The following SGCD variants were observed in gnomAD, a reference collection of about 807,000 sequenced individuals.
The protein encoded by SGCD is sarcoglycan delta.
In SGCD, 18 loss-of-function variants were observed where a neutral mutation model predicts 36.6. That is an observed-to-expected ratio of 0.49 (90% CI 0.34 to 0.73). The LOEUF (loss-of-function observed/expected upper bound fraction) is 0.73, where lower values mean the gene tolerates loss of function less well. Ranked by LOEUF, SGCD falls within the 30% of genes least tolerant of loss-of-function variation. SGCD has a pLI of 0.01. For missense variants in SGCD, 387 were observed against 346.7 expected (o/e 1.12, Z -0.92); for synonymous variants, 133 against 130.6 (o/e 1.02, Z -0.12).
intron 1 of SGCD, among the ~76,000 whole-genome samples, chr5:155,887,736 T>C (rs17533269): frequency 0.19 from 29,012 of 152,178 alleles, 3,625 homozygotes; most frequent in Admixed American, 0.42. Flanking sequence ...TCTCTGTTAA[T>C]GGTATCATCA....
chr5:156,237,849 G>A (rs998233641), intron 3 of SGCD, among the ~76,000 whole-genome samples: 1 of 152,062 alleles, frequency 6.6e-6, no homozygotes, highest in Non-Finnish European at 1.5e-5. Context: ...CAGGATACAA[G>A]AGTCACAGAC....
chr5:156,452,126 C>A (rs1004147890), intron 3 of SGCD, among the ~76,000 whole-genome samples: 9 of 152,050 alleles, frequency 5.9e-5, no homozygotes, highest in African/African-American at 1.9e-4. Context: ...TAGTAGCTTC[C>A]CTTGACCTCC....
chr5:156,359,134 G>A (rs867217865), intron 3 of SGCD, among the ~76,000 whole-genome samples: 12 of 152,290 alleles, frequency 7.9e-5, no homozygotes, highest in African/African-American at 2.9e-4. Flanking sequence ...TCACCTGTGA[G>A]GATAGAATCA....
At chr5:156,423,277 ATAT>A (rs1269327344) in intron 3 of SGCD, among the ~76,000 whole-genome samples, 1 of 8,018 alleles carries the variant, frequency 1.2e-4, no homozygotes, top group East Asian at 7.7e-3. Context: ...ATATAACATT[ATAT>A]TATATTTTAT....
intron 6 of SGCD, among the ~76,000 whole-genome samples, chr5:156,616,433 G>GA (rs1762022294): frequency 6.6e-6 from 1 of 152,022 alleles, no homozygotes; most frequent in Non-Finnish European, 1.5e-5. Context: ...TAGGTGCTAG[G>GA]AAAAAAATGC....
At chr5:156,060,368 G>C (rs928000712) in intron 1 of SGCD, among the ~76,000 whole-genome samples, 1 of 146,134 alleles carries the variant, frequency 6.8e-6, no homozygotes, top group Non-Finnish European at 1.5e-5. Flanking sequence ...GATTTCCCTG[G>C]AATTGGTTTT....
intron 4 of SGCD, among the ~76,000 whole-genome samples, chr5:156,553,011 G>C (rs1758857899): frequency 6.6e-6 from 1 of 152,202 alleles, no homozygotes; most frequent in Admixed American, 6.5e-5. Flanking sequence ...TCAAGATTGA[G>C]CATCTGCCTC....
At chr5:156,529,346 A>G (rs1384572071) in intron 4 of SGCD, among the ~76,000 whole-genome samples, 2 of 148,852 alleles carry the variant, frequency 1.3e-5, no homozygotes, top group Non-Finnish European at 3.0e-5. Flanking sequence ...AATTGCATGA[A>G]CCTGGGAGGC....
intron 3 of SGCD, among the ~76,000 whole-genome samples, chr5:156,293,913 C>A (rs1483856450): frequency 2.0e-5 from 3 of 152,086 alleles, no homozygotes; most frequent in African/African-American, 7.2e-5. Context: ...ATCTGTAGAT[C>A]ATTTTGAATA....
At chr5:156,531,399 C>T (rs1055140051) in intron 4 of SGCD, among the ~76,000 whole-genome samples, 5 of 152,098 alleles carry the variant, frequency 3.3e-5, no homozygotes, top group African/African-American at 9.7e-5. Context: ...CAGAAATGTA[C>T]AGGAAGTATA....
At chr5:155,872,956 A>G (rs1022465971) in intron 1 of SGCD, among the ~76,000 whole-genome samples, 8 of 152,198 alleles carry the variant, frequency 5.3e-5, no homozygotes, top group Non-Finnish European at 1.0e-4. Flanking sequence ...ATCTTTCTCA[A>G]AACAAACTGG....
At chr5:155,882,483 C>T (rs1755908269) in intron 1 of SGCD, among the ~76,000 whole-genome samples, 1 of 152,154 alleles carries the variant, frequency 6.6e-6, no homozygotes. Flanking sequence ...GCAGCTATAG[C>T]CTTACCAAAT....
rs530809092 is a variant in SGCD at position 156,049,349 on chromosome 5, C to T, written c.-281-68529C>T. ...ATATGAACTTTAAAGTAGTTTTTTCCAATTCTGTGAAGAAAGTCATTGGTA... is the reference window on the plus strand; with the variant it reads ...ATATGAACTTTAAAGTAGTTTTTTCTAATTCTGTGAAGAAAGTCATTGGTA... On this transcript the variant is annotated intron_variant, in intron 1 of 9. Transcript: ENST00000517913. Among the ~76,000 whole-genome samples the T allele has an allele frequency of 5.2e-4, 76 of 145,756 alleles. 1 individual carries two copies. In the East Asian group the frequency reaches 0.014, roughly 28 times the overall value.
At chr5:156,338,615 G>T in intron 2 of SGCD, among the ~76,000 whole-genome samples, 1 of 152,202 alleles carries the variant, frequency 6.6e-6, no homozygotes. Flanking sequence ...TGAAGCTCAC[G>T]TAGCTTCCTT....
intron 7 of SGCD, among the ~76,000 whole-genome samples, chr5:156,710,650 T>C (rs1190226806): frequency 1.3e-5 from 2 of 152,188 alleles, no homozygotes; most frequent in Non-Finnish European, 2.9e-5. Context: ...GATATTCTGA[T>C]TGGCAGTTGG....
intron 3 of SGCD, among the ~76,000 whole-genome samples, chr5:156,232,152 CCAGA>C (rs1423119728): frequency 1.3e-5 from 2 of 152,148 alleles, no homozygotes; most frequent in Admixed American, 1.3e-4. Flanking sequence ...TTGGATATAC[CCAGA>C]CATTTTCTTT....
chr5:156,260,154 G>A (rs549426481), intron 3 of SGCD, among the ~76,000 whole-genome samples: 25 of 152,200 alleles, frequency 1.6e-4, no homozygotes, highest in African/African-American at 6.0e-4. Flanking sequence ...GATTATTGTA[G>A]CCTTATAGAG....
chr5:156,127,599 A>C (rs1169837467), intron 3 of SGCD, among the ~76,000 whole-genome samples: 1 of 152,148 alleles, frequency 6.6e-6, no homozygotes, highest in Non-Finnish European at 1.5e-5. Context: ...ACTGGGTGAC[A>C]TAGTGAGACT....
chr5:155,894,547 A>G (rs1488381253), intron 1 of SGCD, among the ~76,000 whole-genome samples: 3 of 152,164 alleles, frequency 2.0e-5, no homozygotes, highest in Non-Finnish European at 4.4e-5. Flanking sequence ...TGGACCAGTG[A>G]GCGTGAAGCT....
Sources: gnomAD v4.1 joint callset for allele counts (sites outside exome capture counted in the v4.1 genomes callset) on GRCh38, gnomAD v4.1.1 for gene constraint, MANE v1.5 for transcripts, NCBI Gene and HGNC (gene_info 2026-07-23, HGNC 2026-07-21) for gene names.